Variants in TMEM144 observed in about 807,000 individuals in gnomAD.
The protein encoded by TMEM144 is transmembrane protein 144.
TMEM144 carries 39 observed loss-of-function variants against 43.6 expected under a neutral mutation model. The observed-to-expected ratio is 0.90, with a 90% CI of 0.69 to 1.17. The LOEUF (loss-of-function observed/expected upper bound fraction) is 1.17. TMEM144 is among the 50% of genes most tolerant of loss of function. The pLI is 0.00. For missense variants in TMEM144, 417 were observed against 411.9 expected (o/e 1.01, Z -0.11); for synonymous variants, 154 against 133.6 (o/e 1.15, Z -1.06).
At chr4:158,226,072 C>T (rs564461625) in intron 6 of TMEM144, among the ~76,000 whole-genome samples, 3 of 152,304 alleles carry the variant, frequency 2.0e-5, no homozygotes, top group East Asian at 1.9e-4. Context: ...TTTTGTTTAA[C>T]GTGCAGATGG....
intron 12 of TMEM144, among the ~76,000 whole-genome samples, chr4:158,252,570 G>A (rs1457107355): frequency 1.3e-5 from 2 of 152,060 alleles, no homozygotes; most frequent in African/African-American, 4.8e-5. Context: ...AAATTTGAGA[G>A]GCAGAGGTGG....
At chr4:158,214,807 G>A (rs911224399) in intron 3 of TMEM144, among the ~76,000 whole-genome samples, 1 of 152,160 alleles carries the variant, frequency 6.6e-6, no homozygotes, top group Admixed American at 6.5e-5. Flanking sequence ...AGAGTACTCA[G>A]TGTGGCATCT....
chr4:158,237,466 G>C (rs1287158009), intron 8 of TMEM144, 59 bp from the exon 9 acceptor site: 4 of 1,286,862 alleles, frequency 3.1e-6, no homozygotes, highest in Non-Finnish European at 4.4e-6. Context: ...TTCCATTTGT[G>C]CGTTTGTCAG....
chr4:158,233,180 C>A, intron 7 of TMEM144, 198 bp downstream of exon 7: 1 of 451,300 alleles, frequency 2.2e-6, no homozygotes, highest in Non-Finnish European at 4.0e-6. Flanking sequence ...TCAGCAAGCA[C>A]ACGGGTTTAT....
intron 6 of TMEM144, among the ~76,000 whole-genome samples, chr4:158,230,720 T>C (rs1735036409): frequency 6.6e-6 from 1 of 152,056 alleles, no homozygotes; most frequent in South Asian, 2.1e-4. Context: ...TTTTACTACA[T>C]GTTAAATATC....
At chr4:158,252,458 T>C (rs1736255022) in intron 12 of TMEM144, among the ~76,000 whole-genome samples, 1 of 152,224 alleles carries the variant, frequency 6.6e-6, no homozygotes, top group Non-Finnish European at 1.5e-5. Flanking sequence ...TCTGCCATCC[T>C]GCAGAAAAGT....
intron 6 of TMEM144, among the ~76,000 whole-genome samples, chr4:158,231,599 T>G (rs1489505507): frequency 3.9e-5 from 6 of 152,200 alleles, no homozygotes; most frequent in Non-Finnish European, 8.8e-5. Flanking sequence ...GGGAAGTTTT[T>G]TTTTAAACCA....
intron 10 of TMEM144, among the ~76,000 whole-genome samples, chr4:158,240,865 T>C (rs1560837378): frequency 6.6e-6 from 1 of 152,240 alleles, no homozygotes; most frequent in Non-Finnish European, 1.5e-5. Flanking sequence ...ATGTTAAACA[T>C]ACATGCTTTT....
rs201427752 is a variant in TMEM144, at chr4:158,237,541, G to A, written c.580G>A (p.Val194Met). 1.2e-5 allele frequency: 20 copies of A among 1,613,098 alleles called. No individual in the cohort carries two copies. The highest frequency in any genetic ancestry group is 1.7e-5 in the Non-Finnish European group (20 of 1,179,476). ...HHRIVGCSLA[V>M]ISGVLYGSTF... ...TTTTGTAAGGGGCTGCAGTCTTGCAGTGATATCTGGAGTACTCTATGGATC... is the reference window on the plus strand; with the variant it reads ...TTTTGTAAGGGGCTGCAGTCTTGCAATGATATCTGGAGTACTCTATGGATC... Residue 194 changes from valine (V) to methionine (M), a missense_variant, in exon 9 of 13, where the codon GTG becomes ATG. Val to Met is a conservative substitution (Grantham distance 21). Transcript: ENST00000296529.
chr4:158,211,181 C>T (rs1733942473), intron 1 of TMEM144: 2 of 152,198 alleles, frequency 1.3e-5, no homozygotes, highest in Non-Finnish European at 2.9e-5. Context: ...ATGCAATAAA[C>T]TTCATTTATC....
intron 9 of TMEM144, among the ~76,000 whole-genome samples, chr4:158,238,968 A>T (rs1026520442): frequency 2.6e-5 from 4 of 152,228 alleles, no homozygotes; most frequent in African/African-American, 9.6e-5. Flanking sequence ...ATTTAAAAAC[A>T]CATATGTAAT....
At chr4:158,248,123 T>TA (rs753919532) in intron 12 of TMEM144, among the ~76,000 whole-genome samples, 7,035 of 99,556 alleles carry the variant, frequency 0.071, 209 homozygotes, top group Admixed American at 0.077. Context: ...AGCAAAGAAT[T>TA]AAAAAAAAAA....
intron 10 of TMEM144, 143 bp downstream of exon 10, chr4:158,240,561 T>C (rs1735584748): frequency 1.3e-6 from 1 of 790,318 alleles, no homozygotes; most frequent in Non-Finnish European, 1.8e-6. Flanking sequence ...TGTGTGTGCA[T>C]GTTCATTCCC....
rs745869901 is a variant in TMEM144, at chr4:158,237,504, GT to G, written c.564-20del. ...ATACTGCTTTGAGCCAAGATTAATAGTGATTTATTTGTTTTGTAAGGGGCTG... is the reference window on the plus strand; with the variant it reads ...ATACTGCTTTGAGCCAAGATTAATAGGATTTATTTGTTTTGTAAGGGGCTG... On this transcript the variant is annotated intron_variant, in intron 8 of 12. Coordinates refer to ENST00000296529, the MANE Select transcript of TMEM144 (RefSeq NM_018342.5). The G allele has an allele frequency of 5.8e-6, 9 of 1,562,608 alleles. No individual in the cohort carries two copies. Among genetic ancestry groups the G allele is most frequent in the Non-Finnish European group, 7.9e-6 (9 of 1,138,010 alleles).
At chr4:158,246,819 T>C (rs539445736) in intron 12 of TMEM144, among the ~76,000 whole-genome samples, 69 of 152,118 alleles carry the variant, frequency 4.5e-4, no homozygotes, top group African/African-American at 1.6e-3. Context: ...ATTATAGGTA[T>C]GAAGAAGTAC....
At chr4:158,219,487 C>T (rs561382720) in intron 6 of TMEM144, 97 bp downstream of exon 6, 6 of 1,168,020 alleles carry the variant, frequency 5.1e-6, no homozygotes, top group African/African-American at 3.0e-5. Context: ...ACCTACATTT[C>T]GTAAAATCCA....
intron 12 of TMEM144, among the ~76,000 whole-genome samples, chr4:158,253,151 C>A (rs1236097504): frequency 4.6e-5 from 7 of 152,200 alleles, no homozygotes; most frequent in Non-Finnish European, 1.0e-4. Context: ...ATTAACACCC[C>A]TCTCACATAA....
chr4:158,247,756 C>CAAAT (rs1560842110), intron 12 of TMEM144, among the ~76,000 whole-genome samples: 1 of 151,910 alleles, frequency 6.6e-6, no homozygotes, highest in African/African-American at 2.4e-5. Context: ...AAGATCAGAA[C>CAAAT]AAATATAGGA....
chr4:158,214,056 A>T lies in TMEM144; in HGVS notation c.110-1135A>T, dbSNP rs1446348550. ...TTTTTTATTTTTCATTTTTTTGGGG[A>T]GATAGAGTCTCACTCTTTCACCGAG... On this transcript the variant is annotated intron_variant, in intron 3 of 12. Transcript: ENST00000296529. 6 of 151,944 alleles carry T rather than the reference A, an allele frequency of 3.9e-5. No individual in the cohort carries two copies. In the East Asian group the frequency reaches 9.7e-4, roughly 25 times the overall value. The allele number at this position is 151,944 out of a possible 1,614,324, so 9.4% of individuals were successfully genotyped here.
Sources: allele counts gnomAD v4.1 joint callset (sites outside exome capture counted in the v4.1 genomes callset), GRCh38; gene constraint gnomAD v4.1.1; transcripts MANE v1.5; gene names NCBI Gene and HGNC (gene_info 2026-07-23, HGNC 2026-07-21).